The following SSR1 variants were observed in gnomAD, a reference collection of about 807,000 sequenced individuals.
SSR1 encodes translocon-associated protein subunit alpha.
Under a neutral mutation model 36.1 loss-of-function variants are expected in SSR1, and 13 were observed. The ratio of observed to expected loss-of-function variants is 0.36; its 90% CI spans 0.23 to 0.57. SSR1 has a LOEUF of 0.57. SSR1 is among the 20% of genes least tolerant of loss of function. The pLI is 0.81. For missense variants in SSR1, 291 were observed against 338.5 expected, an observed-to-expected ratio of 0.86 and a Z score of 1.10; for synonymous variants, 113 against 118.9, an observed-to-expected ratio of 0.95 and a Z score of 0.32.
At chr6:7,300,982 G>A (rs947344767) in intron 4 of SSR1, among the ~76,000 whole-genome samples, 1 of 152,146 alleles carries the variant, frequency 6.6e-6, no homozygotes, top group African/African-American at 2.4e-5. Flanking sequence ...ACTCCATTGT[G>A]TGTCTTACTG....
At chr6:7,305,808 T>A (rs1246641612) in intron 2 of SSR1, among the ~76,000 whole-genome samples, 2 of 152,256 alleles carry the variant, frequency 1.3e-5, no homozygotes, top group African/African-American at 4.8e-5. Context: ...CTGAAGGCAA[T>A]GTTGCTGCCA....
rs1045082420 is a variant in SSR1 at position 7,282,148 on chromosome 6, G to A, written c.*7716C>T. ...GGCAAGTGGAGAACCATGAGATCCTGACAGAGCAGGCTTTTGTGGGCAGAA... is the reference window on the plus strand; with the variant it reads ...GGCAAGTGGAGAACCATGAGATCCTAACAGAGCAGGCTTTTGTGGGCAGAA... On this transcript the variant is annotated 3_prime_UTR_variant, in exon 8 of 8. Transcript: ENST00000244763. 6.6e-6 allele frequency: 1 copy of A among 152,274 alleles called. No individual in the cohort carries two copies. The highest frequency in any genetic ancestry group is 2.4e-5 in the African/African-American group (1 of 41,458). The allele number at this position is 152,274 out of a possible 1,614,324, so 9.4% of individuals were successfully genotyped here.
At chr6:7,293,577 A>AT (rs941577528) in intron 7 of SSR1, among the ~76,000 whole-genome samples, 14 of 151,152 alleles carry the variant, frequency 9.3e-5, no homozygotes, top group African/African-American at 2.2e-4. Flanking sequence ...CAACACATGT[A>AT]TTTTTTTTTC....
Position 7,301,508 on chromosome 6 carries a change from A to C in SSR1, c.345T>G (p.Phe115Leu). Reference sequence around the variant, plus strand: ...ATGAGGCATCTAAGGATTCAACAATAAAATCTTCTGTACCCTTGTTGGTAA... The same window carrying C: ...ATGAGGCATCTAAGGATTCAACAATCAAATCTTCTGTACCCTTGTTGGTAA... ...VGFTNKGTEDFIVESLDASFR... is the reference protein window; with the variant it reads ...VGFTNKGTEDLIVESLDASFR... The change falls in exon 4 of 8, where the codon TTT becomes TTG. Residue 115 changes from phenylalanine (F) to leucine (L), a missense_variant. By Grantham distance (22) the Phe-to-Leu change is conservative. Transcript: ENST00000244763. 6.2e-7 allele frequency: 1 copy of C among 1,614,122 alleles called. No individual in the cohort carries two copies. The highest frequency in any genetic ancestry group is 8.5e-7 in the Non-Finnish European group (1 of 1,179,988).
intron 2 of SSR1, among the ~76,000 whole-genome samples, chr6:7,305,304 T>C (rs1243600155): frequency 6.6e-6 from 1 of 152,180 alleles, no homozygotes; most frequent in African/African-American, 2.4e-5. Flanking sequence ...AGCATTCAGA[T>C]GAAACTATCC....
chr6:7,301,655 G>A, intron 3 of SSR1, 83 bp from the exon 4 acceptor site: 1 of 1,403,084 alleles, frequency 7.1e-7, no homozygotes, highest in Non-Finnish European at 9.6e-7. Context: ...AATGGATTCT[G>A]GCACCCTTTC....
At chr6:7,292,983 C>T (rs1161796817) in intron 7 of SSR1, among the ~76,000 whole-genome samples, 1 of 152,106 alleles carries the variant, frequency 6.6e-6, no homozygotes, top group East Asian at 1.9e-4. Context: ...AGCCAATTCA[C>T]AGGAAAAGAA....
intron 1 of SSR1, among the ~76,000 whole-genome samples, chr6:7,311,834 A>G (rs1184400440): frequency 6.6e-6 from 1 of 152,242 alleles, no homozygotes; most frequent in Non-Finnish European, 1.5e-5. Flanking sequence ...ATGCTTCTTG[A>G]AAGTTTTTAT....
intron 4 of SSR1, 88 bp downstream of exon 4, chr6:7,301,222 A>G: frequency 6.8e-7 from 1 of 1,471,618 alleles, no homozygotes; most frequent in Non-Finnish European, 9.1e-7. Flanking sequence ...AAAACAGGCA[A>G]CTGAATGAAC....
rs1757593029 is a variant in SSR1, at chr6:7,288,009, G to A, written c.*1855C>T. The A allele has an allele frequency of 6.6e-6, 1 of 152,166 alleles. No homozygotes were observed. Among genetic ancestry groups the A allele is most frequent in the African/African-American group, 2.4e-5 (1 of 41,416 alleles). The allele number at this position is 152,166 out of a possible 1,614,324, so 9.4% of individuals were successfully genotyped here. ...AGAAGTGGGAGGGCTGATATGTAAG[G>A]CAAGTTATTTAGGAATGAGGAGGGC... On this transcript the variant is annotated 3_prime_UTR_variant, in exon 8 of 8. Coordinates refer to ENST00000244763, the MANE Select transcript of SSR1 (RefSeq NM_003144.5).
Position 7,289,676 on chromosome 6 carries a change from T to C in SSR1, c.*188A>G, listed in dbSNP as rs1296304095. On this transcript the variant is annotated 3_prime_UTR_variant, in exon 8 of 8. Transcript: ENST00000244763. ...TTAATGGTTTAAAAAAAAACCAAATTTGTTACTTTAGAAAAATGAATGCAG... is the reference window on the plus strand; with the variant it reads ...TTAATGGTTTAAAAAAAAACCAAATCTGTTACTTTAGAAAAATGAATGCAG... 5.1e-6 allele frequency: 3 copies of C among 592,482 alleles called. No individual in the cohort carries two copies. The Admixed American group carries it at 1.2e-4, about 24-fold the overall frequency. 36.7% of individuals were successfully genotyped at this position (592,482 alleles called of 1,614,324 possible).
At position 7,313,105 on chromosome 6, in the gene SSR1, G is replaced by A. The variant is rs62624976; in HGVS notation, c.16C>T (p.Arg6Cys). The A allele has an allele frequency of 1.3e-5, 21 of 1,606,774 alleles. No individual in the cohort carries two copies. In the Admixed American group the frequency reaches 2.0e-4, roughly 15 times the overall value. Residue 6 changes from arginine (R) to cysteine (C), a missense_variant, in exon 1 of 8, where the codon CGC becomes TGC. Transcript: ENST00000244763. MRLLP[R>C]LLLLLLLVFP... ...ACGAGTAAGAGAAGCAGCAGCAAGC[G>A]GGGGAGGAGTCTCATGGCGCTGCCG...
chr6:7,308,121 CTT>C (rs1395728671), intron 2 of SSR1, among the ~76,000 whole-genome samples: 1 of 152,108 alleles, frequency 6.6e-6, no homozygotes, highest in African/African-American at 2.4e-5. Context: ...GACGTGGAGT[CTT>C]AACATAAACC....
intron 7 of SSR1, among the ~76,000 whole-genome samples, chr6:7,292,812 T>A (rs1279876682): frequency 6.6e-6 from 1 of 152,168 alleles, no homozygotes; most frequent in Non-Finnish European, 1.5e-5. Context: ...CTTTCAAGAC[T>A]CGGGTCTAGT....
At position 7,313,196 on chromosome 6, in the gene SSR1, A is replaced by T. The variant is rs1310502478; in HGVS notation, c.-76T>A. 2.2e-6 allele frequency: 3 copies of T among 1,392,478 alleles called. No homozygotes were observed. The highest frequency in any genetic ancestry group is 4.4e-5 in the Admixed American group (2 of 45,012). 86.3% of individuals were successfully genotyped at this position (1,392,478 alleles called of 1,614,324 possible). The stretch of plus-strand genomic sequence containing the variant: ...TCCGGCGGTAATGGCGTTACTCTTC[A>T]TCCGGGCTCCGGGCAGCGAGGGGCG... On this transcript the variant is annotated 5_prime_UTR_variant, in exon 1 of 8. It removes an upstream start codon present in the reference 5' UTR. Transcript: ENST00000244763.
intron 7 of SSR1, 120 bp from the exon 8 acceptor site, chr6:7,290,051 C>A (rs1757648387): frequency 2.9e-6 from 2 of 691,946 alleles, no homozygotes; most frequent in Admixed American, 8.2e-5. Flanking sequence ...TGGGTGAACA[C>A]CATCTAATAA....
chr6:7,286,389 G>C lies in SSR1; in HGVS notation c.*3475C>G, dbSNP rs1243080964. 6.6e-6 allele frequency: 1 copy of C among 152,212 alleles called. No individual in the cohort carries two copies. Among genetic ancestry groups the C allele is most frequent in the Admixed American group, 6.5e-5 (1 of 15,282 alleles). The allele number at this position is 152,212 out of a possible 1,614,324, so 9.4% of individuals were successfully genotyped here. ...CCCGAAATAAATTATTTAGATGTTT[G>C]CAAGTCAGCTGCAAGGTGTTCTTCC... On this transcript the variant is annotated 3_prime_UTR_variant, in exon 8 of 8. Coordinates refer to ENST00000244763, the MANE Select transcript of SSR1 (RefSeq NM_003144.5).
chr6:7,291,437 C>T (rs1277856040), intron 7 of SSR1, among the ~76,000 whole-genome samples: 18 of 152,006 alleles, frequency 1.2e-4, no homozygotes, highest in Admixed American at 1.2e-3. Flanking sequence ...AATATTAAGA[C>T]AGAGCCTACA....
chr6:7,294,321 T>A (rs571708844), intron 7 of SSR1, among the ~76,000 whole-genome samples: 20 of 152,258 alleles, frequency 1.3e-4, no homozygotes, highest in African/African-American at 4.6e-4. Flanking sequence ...AACTAAATAC[T>A]CACATAAAAA....
Sources: allele counts gnomAD v4.1 joint callset (sites outside exome capture counted in the v4.1 genomes callset), GRCh38; gene constraint gnomAD v4.1.1; transcripts MANE v1.5; gene names NCBI Gene and HGNC (gene_info 2026-07-23, HGNC 2026-07-21).